Variants in PPP1R14C observed in about 807,000 individuals in gnomAD.
PPP1R14C encodes the protein protein phosphatase 1 regulatory subunit 14C.
PPP1R14C carries 16 observed loss-of-function variants against 20.4 expected under a neutral mutation model. The observed-to-expected ratio is 0.78, with a 90% CI of 0.53 to 1.19. The LOEUF (loss-of-function observed/expected upper bound fraction) is 1.19, where lower values mean the gene tolerates loss of function less well. PPP1R14C is among the 50% of genes most tolerant of loss of function. The probability of loss-of-function intolerance (pLI) is 0.00; values close to 1 mark genes in which losing one functional copy is unlikely to be tolerated. For synonymous variants in PPP1R14C, 91 were observed against 91.0 expected (o/e 1.00, Z 0.00); for missense variants, 211 against 220.1 (o/e 0.96, Z 0.26).
chr6:150,230,653 A>G lies in PPP1R14C; in HGVS notation c.423+13797A>G, dbSNP rs1260658277. On this transcript the variant is annotated intron_variant, in intron 3 of 3. Transcript: ENST00000361131. ...TAGAGCTTGCGTAATGTATACAATCACTGCCATTGGTGAGACTGTTTCCTG... is the reference window on the plus strand; with the variant it reads ...TAGAGCTTGCGTAATGTATACAATCGCTGCCATTGGTGAGACTGTTTCCTG... 3.3e-5 allele frequency among the ~76,000 whole-genome samples: 5 copies of G among 152,138 alleles called. No individual in the cohort carries two copies. In the South Asian group the frequency reaches 8.3e-4, roughly 25 times the overall value.
chr6:150,242,731 C>G (rs1017606408), intron 3 of PPP1R14C, among the ~76,000 whole-genome samples: 1 of 152,100 alleles, frequency 6.6e-6, no homozygotes, highest in African/African-American at 2.4e-5. Context: ...AAAAGAAATA[C>G]AAGGCTTCTA....
At chr6:150,202,669 C>A (rs1777893169) in intron 1 of PPP1R14C, among the ~76,000 whole-genome samples, 1 of 152,214 alleles carries the variant, frequency 6.6e-6, no homozygotes, top group African/African-American at 2.4e-5. Flanking sequence ...AGGGCTGAAG[C>A]TGAGGACCTG....
intron 1 of PPP1R14C, among the ~76,000 whole-genome samples, chr6:150,176,665 A>G (rs567896039): frequency 6.6e-6 from 1 of 152,336 alleles, no homozygotes; most frequent in South Asian, 2.1e-4. Context: ...TCATCCTCAA[A>G]TAGTCCACAT....
intron 3 of PPP1R14C, among the ~76,000 whole-genome samples, chr6:150,243,339 C>A (rs1342851534): frequency 6.6e-6 from 1 of 152,016 alleles, no homozygotes. Flanking sequence ...CCATGCCTGG[C>A]TAATTTTTGT....
intron 1 of PPP1R14C, among the ~76,000 whole-genome samples, chr6:150,200,365 C>T (rs9371818): frequency 0.057 from 8,645 of 152,064 alleles, 488 homozygotes; most frequent in African/African-American, 0.14. Flanking sequence ...TGCCGGGGTC[C>T]GAATTACTCG....
At chr6:150,180,521 A>G (rs1416426444) in intron 1 of PPP1R14C, among the ~76,000 whole-genome samples, 1 of 152,194 alleles carries the variant, frequency 6.6e-6, no homozygotes, top group African/African-American at 2.4e-5. Context: ...TAATGCTTCC[A>G]TGTTTCATCC....
At chr6:150,160,431 ATTTTTTTTT>A (rs71010884) in intron 1 of PPP1R14C, among the ~76,000 whole-genome samples, 1 of 142,742 alleles carries the variant, frequency 7.0e-6, no homozygotes, top group African/African-American at 2.6e-5. Flanking sequence ...CACCCAGCTA[ATTTTTTTTT>A]TTTTTTGTAT....
intron 1 of PPP1R14C, among the ~76,000 whole-genome samples, chr6:150,209,230 G>T (rs747981295): frequency 6.6e-6 from 1 of 152,206 alleles, no homozygotes; most frequent in Non-Finnish European, 1.5e-5. Context: ...CCAGGAAGCT[G>T]CCAAGCTATG....
chr6:150,172,193 C>CAGAT (rs1777507937), intron 1 of PPP1R14C, among the ~76,000 whole-genome samples: 1 of 152,162 alleles, frequency 6.6e-6, no homozygotes, highest in African/African-American at 2.4e-5. Context: ...GAACCCTTTG[C>CAGAT]AGATGGGTAA....
At chr6:150,152,504 C>G (rs1429550450) in intron 1 of PPP1R14C, among the ~76,000 whole-genome samples, 1 of 152,144 alleles carries the variant, frequency 6.6e-6, no homozygotes, top group African/African-American at 2.4e-5. Context: ...CTCTAGGCAC[C>G]CCCAGCCCTG....
At chr6:150,162,061 C>CT (rs35656436) in intron 1 of PPP1R14C, among the ~76,000 whole-genome samples, 101,465 of 143,472 alleles carry the variant, frequency 0.71, 35,959 homozygotes, top group East Asian at 0.89. Context: ...TTTCTTTTTT[C>CT]TTTTTTTTTT....
At chr6:150,174,747 A>C (rs1777542377) in intron 1 of PPP1R14C, among the ~76,000 whole-genome samples, 1 of 151,540 alleles carries the variant, frequency 6.6e-6, no homozygotes, top group Non-Finnish European at 1.5e-5. Flanking sequence ...GACGGATCAC[A>C]AGGTCAGGAG....
At chr6:150,162,132 G>A (rs1462368225) in intron 1 of PPP1R14C, among the ~76,000 whole-genome samples, 2 of 149,486 alleles carry the variant, frequency 1.3e-5, no homozygotes, top group African/African-American at 2.5e-5. Context: ...TGAGCTCACT[G>A]CAACCTCTGC....
At chr6:150,177,695 T>C (rs557141880) in intron 1 of PPP1R14C, among the ~76,000 whole-genome samples, 1 of 152,310 alleles carries the variant, frequency 6.6e-6, no homozygotes, top group Non-Finnish European at 1.5e-5. Flanking sequence ...TCCCACAGTC[T>C]TTTGTCCTTC....
chr6:150,189,236 T>C (rs1259361058), intron 1 of PPP1R14C, among the ~76,000 whole-genome samples: 1 of 152,178 alleles, frequency 6.6e-6, no homozygotes, highest in Non-Finnish European at 1.5e-5. Context: ...TGGACAGCAC[T>C]GAGATCAATC....
At chr6:150,180,432 C>T (rs140325303) in intron 1 of PPP1R14C, among the ~76,000 whole-genome samples, 60 of 152,294 alleles carry the variant, frequency 3.9e-4, no homozygotes, top group Admixed American at 1.1e-3. Flanking sequence ...GTTGCATCTG[C>T]ATGAAAGAGT....
chr6:150,179,987 A>T (rs568514980), intron 1 of PPP1R14C, among the ~76,000 whole-genome samples: 129 of 152,286 alleles, frequency 8.5e-4, no homozygotes, highest in African/African-American at 2.9e-3. Context: ...AGATCACCTG[A>T]GGTCAGGAGT....
At chr6:150,186,919 T>C (rs1250029878) in intron 1 of PPP1R14C, among the ~76,000 whole-genome samples, 1 of 151,656 alleles carries the variant, frequency 6.6e-6, no homozygotes, top group Non-Finnish European at 1.5e-5. Context: ...TGAGGAGCCA[T>C]GGAAGCAGTG....
intron 3 of PPP1R14C, among the ~76,000 whole-genome samples, chr6:150,239,018 C>T (rs1189566200): frequency 6.6e-6 from 1 of 152,040 alleles, no homozygotes; most frequent in African/African-American, 2.4e-5. Context: ...CCAGGGAGTT[C>T]CTCATTGATC....
Sources: gnomAD v4.1 joint callset for allele counts (sites outside exome capture counted in the v4.1 genomes callset) on GRCh38, gnomAD v4.1.1 for gene constraint, MANE v1.5 for transcripts, NCBI Gene and HGNC (gene_info 2026-07-23, HGNC 2026-07-21) for gene names.